The following PRH1 variants were observed in gnomAD, a reference collection of about 807,000 sequenced individuals.
PRH1 encodes the protein salivary acidic proline-rich phosphoprotein 1/2.
A neutral mutation model predicts 7.9 loss-of-function variants in PRH1; 7 were observed. The observed-to-expected ratio is 0.89, with a 90% CI of 0.50 to 1.67. PRH1 has a LOEUF of 1.67. Ranked by LOEUF, PRH1 falls within the 40% of genes most tolerant of loss-of-function variation. PRH1 has a pLI of 0.00. For synonymous variants in PRH1, 45 were observed against 80.8 expected (o/e 0.56, Z 2.38); for missense variants, 109 against 223.6 (o/e 0.49, Z 3.27).
intron 1 of PRH1, among the ~76,000 whole-genome samples, chr12:11,163,253 G>A (rs1947470875): frequency 6.6e-6 from 1 of 152,246 alleles, no homozygotes; most frequent in Non-Finnish European, 1.5e-5. Context: ...TGACAGGAAA[G>A]AAGCTAGGCT....
chr12:11,068,146 A>T (rs951823148), intron 1 of PRH1, among the ~76,000 whole-genome samples: 1 of 152,130 alleles, frequency 6.6e-6, no homozygotes, highest in African/African-American at 2.4e-5. Context: ...CAGAAAATAG[A>T]ATTTGCCAGT....
chr12:11,066,734 C>T (rs894883260), intron 1 of PRH1, among the ~76,000 whole-genome samples: 2 of 151,444 alleles, frequency 1.3e-5, no homozygotes, highest in African/African-American at 4.9e-5. Context: ...TACTGGAGTT[C>T]AGGGTAGTGA....
chr12:10,987,315 T>TTTA (rs1381126440), intron 1 of PRH1, among the ~76,000 whole-genome samples: 2 of 152,172 alleles, frequency 1.3e-5, no homozygotes, highest in Non-Finnish European at 2.9e-5. Flanking sequence ...ACAGTAAATG[T>TTTA]CTAAGTTCTT....
chr12:10,972,963 T>G (rs1263545472), intron 2 of PRH1, among the ~76,000 whole-genome samples: 4 of 95,500 alleles, frequency 4.2e-5, no homozygotes, highest in Non-Finnish European at 7.7e-5. Flanking sequence ...ACACACCACA[T>G]GGATGGGAGA....
chr12:10,908,531 C>A, intron 2 of PRH1: 1 of 1,613,840 alleles, frequency 6.2e-7, no homozygotes, highest in Non-Finnish European at 8.5e-7. Flanking sequence ...TGTTCTGATA[C>A]AGCTCAGAAA....
intron 1 of PRH1, among the ~76,000 whole-genome samples, chr12:11,035,885 T>G (rs180994785): frequency 6.6e-6 from 1 of 152,270 alleles, no homozygotes; most frequent in East Asian, 1.9e-4. Flanking sequence ...AATTTTACGC[T>G]GTTTTTGCTT....
intron 1 of PRH1, among the ~76,000 whole-genome samples, chr12:11,126,976 G>C (rs1384331137): frequency 6.7e-6 from 1 of 148,966 alleles, no homozygotes; most frequent in Non-Finnish European, 1.5e-5. Flanking sequence ...TTTAAGGCAG[G>C]CCTAATACCA....
At chr12:11,108,125 C>G (rs186473024) in intron 1 of PRH1, among the ~76,000 whole-genome samples, 192 of 152,170 alleles carry the variant, frequency 1.3e-3, no homozygotes, top group Middle Eastern at 6.8e-3. Flanking sequence ...CTTTTCCAGA[C>G]CAACAAAAGC....
At chr12:10,996,902 A>G in intron 1 of PRH1, 2 of 1,513,052 alleles carry the variant, frequency 1.3e-6, no homozygotes, top group Non-Finnish European at 1.8e-6. Flanking sequence ...AGACACCATC[A>G]ATTTGTTTTC....
intron 1 of PRH1, among the ~76,000 whole-genome samples, chr12:11,026,259 C>T (rs1163263310): frequency 6.6e-6 from 1 of 152,194 alleles, no homozygotes; most frequent in Non-Finnish European, 1.5e-5. Flanking sequence ...AACTCCTGCT[C>T]TCAAGGGATC....
At chr12:11,113,202 G>C (rs750757863) in intron 1 of PRH1, among the ~76,000 whole-genome samples, 1 of 151,612 alleles carries the variant, frequency 6.6e-6, no homozygotes, top group Non-Finnish European at 1.5e-5. Context: ...TCAAAGAATT[G>C]GAAAACACTA....
intron 1 of PRH1, among the ~76,000 whole-genome samples, chr12:11,069,578 G>A (rs1390164431): frequency 5.9e-5 from 9 of 152,190 alleles, no homozygotes; most frequent in African/African-American, 2.2e-4. Context: ...GGCTAATAGA[G>A]CATGCAACAT....
intron 2 of PRH1, among the ~76,000 whole-genome samples, chr12:10,896,093 G>A (rs537552175): frequency 2.0e-5 from 3 of 152,288 alleles, no homozygotes; most frequent in African/African-American, 7.2e-5. Flanking sequence ...GTATCAGCTA[G>A]TGATTTTCAA....
intron 2 of PRH1, chr12:10,891,643 T>C (rs903296798): frequency 1.7e-5 from 2 of 118,772 alleles, no homozygotes; most frequent in African/African-American, 5.0e-5. Context: ...GCTAACAACT[T>C]AGCTTGTCAC....
In PRH1 at chr12:11,093,497, T is replaced by C. The variant is rs1944994034; in HGVS notation, n.124-46309A>G. 1.7e-5 allele frequency among the ~76,000 whole-genome samples: 2 copies of C among 116,282 alleles called. 1 individual carries two copies. The highest frequency in any genetic ancestry group is 4.7e-4 in the South Asian group (2 of 4,282). 76.3% of individuals were successfully genotyped at this position (116,282 alleles called of 152,430 possible). On this transcript the variant is annotated intron_variant and non_coding_transcript_variant, in intron 1 of 4. Coordinates refer to the PRH1 transcript ENST00000541977. ...GCTGTGCAGATGAAATTAGTCCTATTTTCCCGGGTTTTCAGCCCATGAATA... is the reference window on the plus strand; with the variant it reads ...GCTGTGCAGATGAAATTAGTCCTATCTTCCCGGGTTTTCAGCCCATGAATA...
At chr12:10,888,756 CTA>C (rs779668200), upstream of PRH1, among the ~76,000 whole-genome samples, 23 of 152,094 alleles carry the variant, frequency 1.5e-4, no homozygotes, top group Non-Finnish European at 3.1e-4. Flanking sequence ...AGTGATTCTT[CTA>C]TGTTTTACTT....
intron 1 of PRH1, among the ~76,000 whole-genome samples, chr12:11,072,553 A>G (rs1241870103): frequency 6.6e-6 from 1 of 152,252 alleles, no homozygotes; most frequent in African/African-American, 2.4e-5. Flanking sequence ...AAGGAATGGA[A>G]TTGATCACTA....
rs564813427 is a variant in PRH1, at chr12:10,968,465, G to C, written c.-59+5190C>G. Among the ~76,000 whole-genome samples the C allele has an allele frequency of 3.9e-5, 6 of 152,324 alleles. No individual in the cohort carries two copies. In the South Asian group the frequency reaches 1.2e-3, roughly 32 times the overall value. On this transcript the variant is annotated intron_variant, in intron 2 of 3. Coordinates refer to the PRH1 transcript ENST00000539853. ...GATGATGATAGCTACAAGGTAGACT[G>C]CTAGCTAATAAATGTGACCATTCAT...
chr12:10,986,284 T>C (rs758311358), intron 1 of PRH1: 2 of 1,614,072 alleles, frequency 1.2e-6, no homozygotes, highest in East Asian at 4.5e-5. Context: ...AGAAAAGATA[T>C]CAGGGACAGA....
Sources: gnomAD v4.1 joint callset for allele counts (sites outside exome capture counted in the v4.1 genomes callset) on GRCh38, gnomAD v4.1.1 for gene constraint, MANE v1.5 for transcripts, NCBI Gene and HGNC (gene_info 2026-07-23, HGNC 2026-07-21) for gene names.